Variants in KCNIP4 observed in about 807,000 individuals in gnomAD.
KCNIP4 encodes the protein Kv channel-interacting protein 4.
In KCNIP4, 12 loss-of-function variants were observed where a neutral mutation model predicts 34.0. The observed-to-expected ratio is 0.35, with a 90% CI of 0.23 to 0.57. The LOEUF (loss-of-function observed/expected upper bound fraction) is 0.57, where lower values mean the gene tolerates loss of function less well. Among genes scored for constraint, KCNIP4 ranks in the 20% least tolerant of loss-of-function variants. KCNIP4 has a pLI of 0.83. For missense variants in KCNIP4, 238 were observed against 311.7 expected (o/e 0.76, Z 1.78); for synonymous variants, 124 against 102.2 (o/e 1.21, Z -1.29).
chr4:21,062,855 C>G (rs982305897), intron 1 of KCNIP4, among the ~76,000 whole-genome samples: 1 of 152,088 alleles, frequency 6.6e-6, no homozygotes. Flanking sequence ...TTGGAGGAGG[C>G]CTGCCCACAT....
chr4:21,114,596 A>G (rs1172394341), intron 1 of KCNIP4, among the ~76,000 whole-genome samples: 5 of 152,202 alleles, frequency 3.3e-5, no homozygotes, highest in Non-Finnish European at 5.9e-5. Context: ...ACTAACCACA[A>G]TAGATTCTAA....
At position 20,923,557 on chromosome 4, in the gene KCNIP4, G is replaced by A. The variant is rs144493201; in HGVS notation, c.62-40848C>T. Among the ~76,000 whole-genome samples the A allele has an allele frequency of 2.0e-3, 305 of 152,264 alleles. 1 individual carries two copies. Among genetic ancestry groups the A allele is most frequent in the African/African-American group, 7.1e-3 (293 of 41,558 alleles). Reference sequence around the variant, plus strand: ...ATAGTGACTCTAAGATAGCTTTAGTGTGGGACAGTCTCAGAATAATATTTT... The same window carrying A: ...ATAGTGACTCTAAGATAGCTTTAGTATGGGACAGTCTCAGAATAATATTTT... On this transcript the variant is annotated intron_variant, in intron 1 of 8. Coordinates refer to ENST00000382152, the MANE Select transcript of KCNIP4 (RefSeq NM_025221.6).
chr4:21,247,735 G>GATATATATATATATATATATATAT (rs58465908), intron 1 of KCNIP4, among the ~76,000 whole-genome samples: 9 of 61,364 alleles, frequency 1.5e-4, no homozygotes, highest in African/African-American at 6.3e-4. Context: ...TCCACAGGTG[G>GATATATATATATATATATATATAT]ATATATATAT....
chr4:21,576,761 TATGATA>T (rs1373655030), intron 1 of KCNIP4, among the ~76,000 whole-genome samples: 4 of 152,172 alleles, frequency 2.6e-5, no homozygotes, highest in African/African-American at 9.7e-5. Flanking sequence ...TTTGAAGTGC[TATGATA>T]ATAATTATCT....
At chr4:21,895,017 TCC>T (rs1344241726) in intron 1 of KCNIP4, among the ~76,000 whole-genome samples, 3 of 152,172 alleles carry the variant, frequency 2.0e-5, no homozygotes, top group Non-Finnish European at 1.5e-5. Context: ...CCAACTTTGT[TCC>T]CTCATTTTCC....
At chr4:21,350,724 C>T (rs978706940) in intron 1 of KCNIP4, among the ~76,000 whole-genome samples, 3 of 152,152 alleles carry the variant, frequency 2.0e-5, no homozygotes, top group African/African-American at 7.2e-5. Flanking sequence ...TCAGGCAACA[C>T]CACCCATCAT....
At chr4:21,725,987 T>G (rs1226142777) in intron 1 of KCNIP4, among the ~76,000 whole-genome samples, 1 of 152,158 alleles carries the variant, frequency 6.6e-6, no homozygotes, top group Non-Finnish European at 1.5e-5. Context: ...TTTGGCAATA[T>G]GTGTTTTCTT....
At chr4:21,760,793 T>G (rs1013941591) in intron 1 of KCNIP4, among the ~76,000 whole-genome samples, 5 of 152,152 alleles carry the variant, frequency 3.3e-5, no homozygotes, top group African/African-American at 1.2e-4. Context: ...AGCCACAGAA[T>G]GGTCATGGAT....
chr4:21,523,252 A>G (rs1250594184), intron 1 of KCNIP4, among the ~76,000 whole-genome samples: 1 of 152,082 alleles, frequency 6.6e-6, no homozygotes, highest in African/African-American at 2.4e-5. Context: ...GAACTAAGAC[A>G]CCTATGGTCT....
At chr4:20,991,385 T>A (rs1305560649) in intron 1 of KCNIP4, among the ~76,000 whole-genome samples, 1 of 151,508 alleles carries the variant, frequency 6.6e-6, no homozygotes, top group Non-Finnish European at 1.5e-5. Context: ...GAGCTCGGGA[T>A]AGAGGTGAGA....
intron 3 of KCNIP4, among the ~76,000 whole-genome samples, chr4:20,822,546 C>A (rs985487521): frequency 1.3e-5 from 2 of 152,080 alleles, no homozygotes; most frequent in African/African-American, 4.8e-5. Flanking sequence ...GTAGAACTAC[C>A]ATTCAATCCA....
chr4:20,895,821 A>C (rs1487144561), intron 1 of KCNIP4, among the ~76,000 whole-genome samples: 1 of 152,196 alleles, frequency 6.6e-6, no homozygotes, highest in East Asian at 1.9e-4. Context: ...GCCATGCCTG[A>C]TCATTCCAGA....
intron 1 of KCNIP4, among the ~76,000 whole-genome samples, chr4:20,908,320 G>A (rs1171101199): frequency 2.0e-5 from 3 of 152,048 alleles, no homozygotes; most frequent in Non-Finnish European, 2.9e-5. Context: ...GGCTGGTCTC[G>A]AACTCCTGAC....
At chr4:21,333,116 C>G (rs913992986) in intron 1 of KCNIP4, among the ~76,000 whole-genome samples, 1 of 151,998 alleles carries the variant, frequency 6.6e-6, no homozygotes, top group Non-Finnish European at 1.5e-5. Context: ...AAATAGATGT[C>G]CCTTCAATCC....
intron 1 of KCNIP4, among the ~76,000 whole-genome samples, chr4:21,856,114 T>C (rs1433331314): frequency 3.3e-5 from 5 of 152,154 alleles, no homozygotes; most frequent in Admixed American, 2.6e-4. Context: ...CCCCTCACTA[T>C]TGTTAACATT....
intron 1 of KCNIP4, among the ~76,000 whole-genome samples, chr4:20,937,656 GAAGA>G (rs1227172423): frequency 1.3e-5 from 2 of 152,096 alleles, no homozygotes; most frequent in African/African-American, 2.4e-5. Context: ...CATCACATAA[GAAGA>G]AAGCACCAAA....
At chr4:20,944,077 C>A (rs1376232576) in intron 1 of KCNIP4, among the ~76,000 whole-genome samples, 1 of 152,150 alleles carries the variant, frequency 6.6e-6, no homozygotes, top group Non-Finnish European at 1.5e-5. Context: ...AATAATCATA[C>A]CTAGTTCATT....
At chr4:21,181,777 T>C (rs1055162743) in intron 1 of KCNIP4, among the ~76,000 whole-genome samples, 2 of 152,186 alleles carry the variant, frequency 1.3e-5, no homozygotes, top group Non-Finnish European at 2.9e-5. Context: ...TTACTACAGA[T>C]ACTGTAATTC....
chr4:21,238,596 A>G (rs1759554394), intron 1 of KCNIP4, among the ~76,000 whole-genome samples: 1 of 152,064 alleles, frequency 6.6e-6, no homozygotes, highest in Non-Finnish European at 1.5e-5. Context: ...ACAGACAAAC[A>G]GAGCCAAATC....
Sources: gnomAD v4.1 joint callset for allele counts (sites outside exome capture counted in the v4.1 genomes callset) on GRCh38, gnomAD v4.1.1 for gene constraint, MANE v1.5 for transcripts, NCBI Gene and HGNC (gene_info 2026-07-23, HGNC 2026-07-21) for gene names.